LTA: variants seen among roughly 807,000 people sequenced by gnomAD.
LTA encodes lymphotoxin-alpha.
A neutral mutation model predicts 15.1 loss-of-function variants in LTA; 6 were observed. That is an observed-to-expected ratio of 0.40 (90% CI 0.22 to 0.78). The LOEUF is 0.78. LTA is among the 30% of genes least tolerant of loss of function. The pLI, the probability that LTA is intolerant of heterozygous loss-of-function variation, is 0.38. For synonymous variants in LTA, 87 were observed against 107.3 expected (o/e 0.81, Z 1.17); for missense variants, 173 against 249.5 (o/e 0.69, Z 2.06).
At chr6:31,572,559 C>T (rs1001295400) in intron 1 of LTA, 113 bp downstream of exon 1, 1 of 601,488 alleles carries the variant, frequency 1.7e-6, no homozygotes, top group Admixed American at 2.9e-5. Flanking sequence ...CCCTTCCTGT[C>T]TCTCTCTGTC....
the LTA span, among the ~76,000 whole-genome samples, chr6:31,564,817 C>T: frequency 4.2e-4 from 64 of 151,492 alleles, no homozygotes; most frequent in African/African-American, 1.4e-3. Flanking sequence ...AGGAGGCTGA[C>T]GTGGGAGGAT....
chr6:31,573,350 T>C lies in LTA; in HGVS notation c.275T>C (p.Phe92Ser). The change falls in exon 4 of 4, where the codon TTC becomes TCC. Residue 92 changes from phenylalanine (F) to serine (S), a missense_variant. Physicochemically the swap from Phe to Ser is radical, Grantham distance 155. Coordinates refer to ENST00000418386, the MANE Select transcript of LTA (RefSeq NM_000595.4). ...NTDRAFLQDG[F>S]SLSNNSLLVP... Reference sequence around the variant, plus strand: ...GACCGTGCCTTCCTCCAGGATGGTTTCTCCTTGAGCAACAATTCTCTCCTG... The same window carrying C: ...GACCGTGCCTTCCTCCAGGATGGTTCCTCCTTGAGCAACAATTCTCTCCTG... 6.2e-7 allele frequency: 1 copy of C among 1,613,836 alleles called. No homozygotes were observed. The highest frequency in any genetic ancestry group is 8.5e-7 in the Non-Finnish European group (1 of 1,179,922).
chr6:31,563,354 C>G, the LTA span, among the ~76,000 whole-genome samples: 1 of 152,056 alleles, frequency 6.6e-6, no homozygotes, highest in South Asian at 2.1e-4. Context: ...GAGATCCACA[C>G]TTGATGGCCT....
Position 31,574,078 on chromosome 6 carries a change from A to G in LTA, c.*385A>G. On this transcript the variant is annotated 3_prime_UTR_variant, in exon 4 of 4. Coordinates refer to ENST00000418386, the MANE Select transcript of LTA (RefSeq NM_000595.4). Reference sequence around the variant, plus strand: ...TTTATGAAGGCAAAAAAATTAAATTATTTATTTATGGAGGATGGAGAGAGG... The same window carrying G: ...TTTATGAAGGCAAAAAAATTAAATTGTTTATTTATGGAGGATGGAGAGAGG... The G allele has an allele frequency of 5.2e-6, 2 of 387,634 alleles. No homozygotes were observed. Among genetic ancestry groups the G allele is most frequent in the Non-Finnish European group, 4.9e-6 (1 of 204,104 alleles). 24.0% of individuals were successfully genotyped at this position (387,634 alleles called of 1,614,324 possible).
chr6:31,572,704 G>GTC (rs5875327), intron 1 of LTA, 30 bp from the exon 2 acceptor site: 311,570 of 1,426,300 alleles, frequency 0.22, 6,622 homozygotes, highest in South Asian at 0.29. Flanking sequence ...CCCGCTCACT[G>GTC]TCTCTCTCTC....
the LTA span, among the ~76,000 whole-genome samples, chr6:31,565,320 G>A: frequency 5.3e-5 from 8 of 152,170 alleles, no homozygotes; most frequent in Non-Finnish European, 1.0e-4. Flanking sequence ...GTCCTTGTGG[G>A]GTAGGGAATT....
chr6:31,572,712 C>T (rs1416006407), intron 1 of LTA, 22 bp from the exon 2 acceptor site: 1 of 1,541,906 alleles, frequency 6.5e-7, no homozygotes, highest in Non-Finnish European at 8.9e-7. Flanking sequence ...CTGTCTCTCT[C>T]TCTCTCTCTC....
chr6:31,563,033 G>C, the LTA span, among the ~76,000 whole-genome samples: 3 of 151,530 alleles, frequency 2.0e-5, no homozygotes, highest in Admixed American at 2.0e-4. Flanking sequence ...GGTGGCACAC[G>C]CCTGTAACCC....
upstream of LTA, among the ~76,000 whole-genome samples, chr6:31,570,762 C>A (rs1770790123): frequency 1.3e-5 from 2 of 152,100 alleles, no homozygotes; most frequent in South Asian, 4.1e-4. Context: ...ATGAATCTCA[C>A]AAACATAATG....
the LTA span, among the ~76,000 whole-genome samples, chr6:31,565,716 T>C: frequency 6.6e-6 from 1 of 152,148 alleles, no homozygotes; most frequent in Non-Finnish European, 1.5e-5. Flanking sequence ...CTCCCACCCA[T>C]CAATCCATCA....
At chr6:31,570,924 A>T (rs1167977101), upstream of LTA, among the ~76,000 whole-genome samples, 1 of 152,068 alleles carries the variant, frequency 6.6e-6, no homozygotes, top group Non-Finnish European at 1.5e-5. Context: ...GCATGAGGGA[A>T]CCTGCTGGGG....
chr6:31,563,747 A>C, the LTA span, among the ~76,000 whole-genome samples: 316 of 152,194 alleles, frequency 2.1e-3, 1 homozygote, highest in African/African-American at 6.5e-3. Context: ...AGCTGGGATT[A>C]CAGTTGCCCA....
chr6:31,570,747 C>T (rs1442021650), upstream of LTA, among the ~76,000 whole-genome samples: 2 of 152,078 alleles, frequency 1.3e-5, no homozygotes, highest in Non-Finnish European at 2.9e-5. Flanking sequence ...CATACAACCA[C>T]GTATATGAAT....
At position 31,572,428 on chromosome 6, in the gene LTA, T is replaced by G. The variant is rs1373660362; in HGVS notation, c.-28T>G. ...GCACCTGCTGCCTGGATCCCCGGCC[T>G]GCCTGGGCCTGGGCCTTGGTGGGTT... On this transcript the variant is annotated 5_prime_UTR_variant, in exon 1 of 4. Transcript: ENST00000418386. The G allele has an allele frequency of 2.0e-6, 1 of 502,502 alleles. No homozygotes were observed. The highest frequency in any genetic ancestry group is 3.6e-6 in the Non-Finnish European group (1 of 281,628). 31.1% of individuals were successfully genotyped at this position (502,502 alleles called of 1,614,324 possible).
intron 1 of LTA, 51 bp downstream of exon 1, chr6:31,572,497 T>C (rs1005753685): frequency 5.2e-6 from 3 of 582,168 alleles, no homozygotes; most frequent in Non-Finnish European, 9.1e-6. Context: ...CATCTGTCAG[T>C]CTCATTGTCT....
chr6:31,573,591 G>C lies in LTA; in HGVS notation c.516G>C (p.Ala172=). 6.2e-7 allele frequency: 1 copy of C among 1,614,108 alleles called. No individual in the cohort carries two copies. Among genetic ancestry groups the C allele is most frequent in the Non-Finnish European group, 8.5e-7 (1 of 1,180,012 alleles). The part of the protein sequence containing the change: ...PWLHSMYHGA[A]FQLTQGDQLS... ...TGCACTCGATGTACCACGGGGCTGC[G>C]TTCCAGCTCACCCAGGGAGACCAGC... The change falls in exon 4 of 4, where the codon GCG becomes GCC. Residue 172 remains alanine, a synonymous_variant. Coordinates refer to ENST00000418386, the MANE Select transcript of LTA (RefSeq NM_000595.4).
chr6:31,567,912 TCC>T (rs1423522076), upstream of LTA, among the ~76,000 whole-genome samples: 1 of 152,032 alleles, frequency 6.6e-6, no homozygotes, highest in African/African-American at 2.4e-5. Flanking sequence ...CAGTAGCTGC[TCC>T]CTTTACCTGA....
chr6:31,563,137 G>A, the LTA span, among the ~76,000 whole-genome samples: 2 of 152,112 alleles, frequency 1.3e-5, no homozygotes, highest in South Asian at 2.1e-4. Flanking sequence ...TCCAGCCTGG[G>A]CAACAGAGCA....
upstream of LTA, among the ~76,000 whole-genome samples, chr6:31,571,171 C>T (rs1333112533): frequency 6.6e-6 from 1 of 151,758 alleles, no homozygotes; most frequent in Non-Finnish European, 1.5e-5. Context: ...AATAATTCTC[C>T]AGCCTCAGCC....
Sources: allele counts gnomAD v4.1 joint callset (sites outside exome capture counted in the v4.1 genomes callset), GRCh38; gene constraint gnomAD v4.1.1; transcripts MANE v1.5; gene names NCBI Gene and HGNC (gene_info 2026-07-23, HGNC 2026-07-21).